The following ZNF18 variants were observed in gnomAD, a reference collection of about 807,000 sequenced individuals.
ZNF18 encodes the protein zinc finger protein 18.
In ZNF18, 42 loss-of-function variants were observed where a neutral mutation model predicts 58.1. The ratio of observed to expected loss-of-function variants is 0.72; its 90% CI spans 0.56 to 0.93. The LOEUF is 0.93. Among genes scored for constraint, ZNF18 ranks in the 40% least tolerant of loss-of-function variants. ZNF18 has a pLI of 0.00. For missense variants in ZNF18, 540 were observed against 644.2 expected (o/e 0.84, Z 1.75); for synonymous variants, 231 against 239.8 (o/e 0.96, Z 0.34).
At chr17:12,020,767 G>A in the ZNF18 span, 11 of 423,328 alleles carry the variant, frequency 2.6e-5, no homozygotes, top group Non-Finnish European at 3.9e-5. Flanking sequence ...CAGGAGGCGT[G>A]TCCGGGGCGT....
At chr17:12,012,139 A>C in the ZNF18 span, among the ~76,000 whole-genome samples, 3 of 152,188 alleles carry the variant, frequency 2.0e-5, no homozygotes, top group African/African-American at 7.2e-5. Context: ...GAGACACCAA[A>C]ATTTTCATTA....
At chr17:12,014,712 C>T in the ZNF18 span, among the ~76,000 whole-genome samples, 1 of 152,074 alleles carries the variant, frequency 6.6e-6, no homozygotes, top group South Asian at 2.1e-4. Flanking sequence ...TAAAAGTGTC[C>T]TAAATTTGAT....
the ZNF18 span, among the ~76,000 whole-genome samples, chr17:12,012,190 AAT>A: frequency 6.6e-6 from 1 of 152,236 alleles, no homozygotes; most frequent in African/African-American, 2.4e-5. Flanking sequence ...CAAGTAACTA[AAT>A]ATTACATATA....
At chr17:12,006,857 G>T in the ZNF18 span, among the ~76,000 whole-genome samples, 46 of 152,136 alleles carry the variant, frequency 3.0e-4, no homozygotes, top group African/African-American at 1.0e-3. Context: ...CATGATAAAA[G>T]TCTCAACTAA....
At chr17:12,008,467 TA>T in the ZNF18 span, among the ~76,000 whole-genome samples, 1 of 152,180 alleles carries the variant, frequency 6.6e-6, no homozygotes, top group African/African-American at 2.4e-5. Context: ...GTCAAGTAGC[TA>T]GGACTACAGG....
the ZNF18 span, among the ~76,000 whole-genome samples, chr17:12,011,951 A>G: frequency 7.2e-5 from 11 of 152,058 alleles, no homozygotes; most frequent in Non-Finnish European, 1.3e-4. Flanking sequence ...TGCCCACCTC[A>G]GCCTCCCAAA....
chr17:11,999,872 A>G (rs1355184162), upstream of ZNF18, among the ~76,000 whole-genome samples: 2 of 152,192 alleles, frequency 1.3e-5, no homozygotes, highest in Non-Finnish European at 2.9e-5. Context: ...GTTAATTAAG[A>G]CGCAAGCCTT....
intron 6 of ZNF18, among the ~76,000 whole-genome samples, chr17:11,981,463 G>A (rs968630920): frequency 6.6e-6 from 1 of 150,534 alleles, no homozygotes; most frequent in East Asian, 1.9e-4. Flanking sequence ...GGGATTACAG[G>A]TGCTCACACC....
chr17:11,981,568 AC>A (rs1393868352), intron 6 of ZNF18, among the ~76,000 whole-genome samples: 38 of 133,392 alleles, frequency 2.8e-4, no homozygotes, highest in Admixed American at 1.0e-3. Context: ...AGGCAGGATG[AC>A]CCTTGTAGAC....
At chr17:11,999,748 G>A (rs1968624685), upstream of ZNF18, among the ~76,000 whole-genome samples, 1 of 152,166 alleles carries the variant, frequency 6.6e-6, no homozygotes, top group South Asian at 2.1e-4. Context: ...TAGGTGTTGT[G>A]AAGAAAATTA....
At chr17:11,995,188 C>A (rs547490872) in intron 1 of ZNF18, among the ~76,000 whole-genome samples, 36 of 152,122 alleles carry the variant, frequency 2.4e-4, no homozygotes, top group African/African-American at 7.5e-4. Flanking sequence ...GCAGGGGGAT[C>A]ATTTGAGGTC....
At chr17:12,003,320 T>C in the ZNF18 span, among the ~76,000 whole-genome samples, 1 of 151,846 alleles carries the variant, frequency 6.6e-6, no homozygotes, top group African/African-American at 2.4e-5. Flanking sequence ...GCGCCTGTAA[T>C]CTCAGCTACT....
upstream of ZNF18, among the ~76,000 whole-genome samples, chr17:12,000,472 G>A (rs1404235473): frequency 6.6e-6 from 1 of 152,116 alleles, no homozygotes; most frequent in African/African-American, 2.4e-5. Context: ...ACTTTGGGAG[G>A]CCGACATGGG....
chr17:12,019,988 A>G, the ZNF18 span, among the ~76,000 whole-genome samples: 1 of 152,280 alleles, frequency 6.6e-6, no homozygotes, highest in South Asian at 2.1e-4. Flanking sequence ...CTCATAGAGA[A>G]CTTTTTCTTC....
At chr17:12,005,617 T>C in the ZNF18 span, among the ~76,000 whole-genome samples, 2 of 152,168 alleles carry the variant, frequency 1.3e-5, no homozygotes, top group African/African-American at 4.8e-5. Flanking sequence ...ACAACCATTA[T>C]AACTAAGTGT....
chr17:12,014,498 G>A, the ZNF18 span, among the ~76,000 whole-genome samples: 2 of 152,168 alleles, frequency 1.3e-5, no homozygotes, highest in Admixed American at 6.6e-5. Flanking sequence ...ATAGATGAAC[G>A]TTAAAAGCAT....
At chr17:12,010,057 T>G in the ZNF18 span, among the ~76,000 whole-genome samples, 1 of 152,156 alleles carries the variant, frequency 6.6e-6, no homozygotes, top group Non-Finnish European at 1.5e-5. Context: ...AGCTTTATTG[T>G]GGTGCCTGTC....
rs199543803 is a variant in ZNF18, at chr17:11,990,588, C to T, written c.578-38G>A. On this transcript the variant is annotated intron_variant, in intron 3 of 6. Transcript: ENST00000580306. ...GAGGAAGTTTTCAGAATCTGGATGT[C>T]TTCCTTAACCACTCCCCAGAGGGCG... The T allele has an allele frequency of 4.2e-5, 65 of 1,541,444 alleles. No homozygotes were observed. The Admixed American group carries it at 9.3e-4, about 22-fold the overall frequency.
chr17:11,986,281 A>G (rs527281626), intron 4 of ZNF18, among the ~76,000 whole-genome samples: 3 of 152,308 alleles, frequency 2.0e-5, no homozygotes, highest in African/African-American at 4.8e-5. Flanking sequence ...TCTTTTGTAA[A>G]CTGCCCATTC....
Sources: allele counts gnomAD v4.1 joint callset (sites outside exome capture counted in the v4.1 genomes callset), GRCh38; gene constraint gnomAD v4.1.1; transcripts MANE v1.5; gene names NCBI Gene and HGNC (gene_info 2026-07-23, HGNC 2026-07-21).